Variants in DOCK3 observed in about 807,000 individuals in gnomAD.
The protein encoded by DOCK3 is dedicator of cytokinesis 3.
A neutral mutation model predicts 265.6 loss-of-function variants in DOCK3; 60 were observed. The observed-to-expected ratio is 0.23, with a 90% confidence interval of 0.18 to 0.28. The LOEUF is 0.28. Ranked by LOEUF, DOCK3 falls within the 10% of genes least tolerant of loss-of-function variation. The pLI, the probability that DOCK3 is intolerant of heterozygous loss-of-function variation, is 1.00. For synonymous variants in DOCK3, 881 were observed against 938.0 expected (o/e 0.94, Z 1.11); for missense variants, 1,981 against 2,594.3 (o/e 0.76, Z 5.14).
intron 9 of DOCK3, 74 bp from the exon 10 acceptor site, chr3:51,146,475 C>G: frequency 6.9e-7 from 1 of 1,447,958 alleles, no homozygotes; most frequent in Non-Finnish European, 9.5e-7. Context: ...TAGTGTTTTT[C>G]CGTATCTGCC....
intron 7 of DOCK3, among the ~76,000 whole-genome samples, chr3:51,085,952 G>A (rs1005568234): frequency 2.0e-5 from 3 of 152,122 alleles, no homozygotes; most frequent in Admixed American, 2.0e-4. Flanking sequence ...TGCTGAGACC[G>A]GTTCAGTCAG....
At chr3:50,765,979 G>A (rs1414326747) in intron 1 of DOCK3, among the ~76,000 whole-genome samples, 1 of 151,630 alleles carries the variant, frequency 6.6e-6, no homozygotes, top group East Asian at 1.9e-4. Context: ...CTACATCTGT[G>A]GGATCAACTT....
chr3:50,846,813 C>T (rs558375139), intron 3 of DOCK3, among the ~76,000 whole-genome samples: 2 of 152,182 alleles, frequency 1.3e-5, no homozygotes, highest in South Asian at 2.1e-4. Context: ...TCTACGTGTT[C>T]CTAATGGTGT....
At chr3:50,886,915 G>A (rs1196390988) in intron 3 of DOCK3, among the ~76,000 whole-genome samples, 1 of 152,072 alleles carries the variant, frequency 6.6e-6, no homozygotes, top group African/African-American at 2.4e-5. Flanking sequence ...AAGCAGGAAA[G>A]ATCCAAAATT....
intron 8 of DOCK3, among the ~76,000 whole-genome samples, chr3:51,089,836 G>C (rs570092956): frequency 6.8e-6 from 1 of 146,788 alleles, no homozygotes; most frequent in East Asian, 2.1e-4. Context: ...CGGGAGTAGA[G>C]TGCAGTGAGC....
intron 27 of DOCK3, among the ~76,000 whole-genome samples, chr3:51,299,345 A>G (rs2082261373): frequency 6.6e-6 from 1 of 151,716 alleles, no homozygotes; most frequent in Non-Finnish European, 1.5e-5. Context: ...GATTGCAGAA[A>G]TTTTCTCCCA....
intron 30 of DOCK3, 133 bp from the exon 31 acceptor site, chr3:51,312,711 G>A (rs778004146): frequency 9.7e-6 from 12 of 1,242,658 alleles, no homozygotes; most frequent in African/African-American, 3.0e-5. Flanking sequence ...GAGTTCAGTC[G>A]AGAGCCCAAA....
chr3:51,002,754 C>T (rs1160068271), intron 5 of DOCK3, among the ~76,000 whole-genome samples: 2 of 152,146 alleles, frequency 1.3e-5, no homozygotes, highest in Admixed American at 1.3e-4. Flanking sequence ...TTGTTTATTC[C>T]CTTGTCATTT....
intron 2 of DOCK3, among the ~76,000 whole-genome samples, chr3:50,790,656 A>C (rs2042423906): frequency 6.6e-6 from 1 of 151,980 alleles, no homozygotes; most frequent in African/African-American, 2.4e-5. Context: ...CAATCCCTTC[A>C]AGTTTATAGG....
intron 10 of DOCK3, among the ~76,000 whole-genome samples, chr3:51,152,671 G>A (rs1290144141): frequency 6.6e-6 from 1 of 152,162 alleles, no homozygotes; most frequent in Non-Finnish European, 1.5e-5. Flanking sequence ...ATCTACAGAT[G>A]GGGTTTTGGT....
intron 23 of DOCK3, among the ~76,000 whole-genome samples, chr3:51,263,748 C>CA (rs1257503942): frequency 6.6e-6 from 1 of 151,786 alleles, no homozygotes. Context: ...AATGGAAAAC[C>CA]AAAAAAAGCA....
chr3:51,187,882 A>G (rs1474168556), intron 12 of DOCK3, among the ~76,000 whole-genome samples: 1 of 150,768 alleles, frequency 6.6e-6, no homozygotes, highest in Admixed American at 6.7e-5. Flanking sequence ...TTTCTTTTGT[A>G]AATTGCCCAG....
At chr3:51,375,889 G>A in intron 51 of DOCK3, 54 bp downstream of exon 51, 3 of 1,592,344 alleles carry the variant, frequency 1.9e-6, no homozygotes, top group Non-Finnish European at 2.6e-6. Context: ...CTGAGTGTCT[G>A]ACTCTTGTCC....
intron 1 of DOCK3, among the ~76,000 whole-genome samples, chr3:50,774,410 T>C (rs1454042235): frequency 6.6e-6 from 1 of 152,056 alleles, no homozygotes; most frequent in Non-Finnish European, 1.5e-5. Flanking sequence ...GCTTCTTGTG[T>C]AGAGTTCTTC....
intron 7 of DOCK3, among the ~76,000 whole-genome samples, chr3:51,087,178 A>G (rs909385282): frequency 6.6e-6 from 1 of 152,238 alleles, no homozygotes; most frequent in Non-Finnish European, 1.5e-5. Context: ...GACACAAGAA[A>G]AAAAAGATGG....
Position 51,115,675 on chromosome 3 carries a change from T to C in DOCK3, c.746+25291T>C, listed in dbSNP as rs186593342. Among the ~76,000 whole-genome samples the C allele has an allele frequency of 5.6e-3, 857 of 152,346 alleles. 9 individuals carry two copies. The highest frequency in any genetic ancestry group is 0.039 in the South Asian group (187 of 4,826). On this transcript the variant is annotated intron_variant, in intron 9 of 52. Coordinates refer to ENST00000266037, the MANE Select transcript of DOCK3 (RefSeq NM_004947.5). ...AGATCCCATTTGTCTATTTTGGCTT[T>C]TGTTGCCATTGCTTTTGGTGTTTTA...
At chr3:51,073,651 T>C (rs1196976081) in intron 6 of DOCK3, among the ~76,000 whole-genome samples, 1 of 152,228 alleles carries the variant, frequency 6.6e-6, no homozygotes, top group African/African-American at 2.4e-5. Context: ...CTGTGGGTTA[T>C]TTTTAGCATT....
intron 7 of DOCK3, among the ~76,000 whole-genome samples, chr3:51,079,270 T>C (rs924259176): frequency 2.6e-5 from 4 of 152,154 alleles, no homozygotes; most frequent in African/African-American, 9.7e-5. Flanking sequence ...TGAATGATAA[T>C]GATTGATAAA....
intron 2 of DOCK3, among the ~76,000 whole-genome samples, chr3:50,821,346 C>G (rs1327552227): frequency 6.6e-6 from 1 of 151,898 alleles, no homozygotes. Context: ...GTCGCCCAGG[C>G]TGGAGTGCAG....
Sources: gnomAD v4.1 joint callset for allele counts (sites outside exome capture counted in the v4.1 genomes callset) on GRCh38, gnomAD v4.1.1 for gene constraint, MANE v1.5 for transcripts, NCBI Gene and HGNC (gene_info 2026-07-23, HGNC 2026-07-21) for gene names.